Variants in UBE2B observed in about 807,000 individuals in gnomAD.
The protein encoded by UBE2B is ubiquitin-conjugating enzyme E2 B.
UBE2B carries 11 observed loss-of-function variants against 24.6 expected under a neutral mutation model. That is an observed-to-expected ratio of 0.45 (90% CI 0.28 to 0.74). The LOEUF (loss-of-function observed/expected upper bound fraction) is 0.74. Ranked by LOEUF, UBE2B falls within the 30% of genes least tolerant of loss-of-function variation. UBE2B has a pLI of 0.13. For missense variants in UBE2B, 78 were observed against 185.6 expected (o/e 0.42, Z 3.37); for synonymous variants, 68 against 62.4 (o/e 1.09, Z -0.42).
In UBE2B at chr5:134,386,869, G is replaced by A. The variant is rs34723995; in HGVS notation, c.242-1456G>A. ...ACAGTAGATATGTATCATTTCTGGTGATTGTGTTGCTATTGCTTATATGAA... is the reference window on the plus strand; with the variant it reads ...ACAGTAGATATGTATCATTTCTGGTAATTGTGTTGCTATTGCTTATATGAA... On this transcript the variant is annotated intron_variant, in intron 4 of 5. Coordinates refer to ENST00000265339, the MANE Select transcript of UBE2B (RefSeq NM_003337.4). Among the ~76,000 whole-genome samples, 504 of 151,836 alleles carry A rather than the reference G, an allele frequency of 3.3e-3. 1 individual carries two copies. The highest frequency in any genetic ancestry group is 0.012 in the African/African-American group (477 of 41,404).
At chr5:134,371,890 G>A (rs1292180978) in intron 1 of UBE2B, among the ~76,000 whole-genome samples, 1 of 152,182 alleles carries the variant, frequency 6.6e-6, no homozygotes, top group Non-Finnish European at 1.5e-5. Context: ...CTGGTCTAGG[G>A]TTCCCTGCTG....
chr5:134,376,364 T>TATACAC (rs70976528), intron 2 of UBE2B, among the ~76,000 whole-genome samples: 2 of 79,504 alleles, frequency 2.5e-5, no homozygotes, highest in East Asian at 3.9e-4. Context: ...TATATATATA[T>TATACAC]ACACATATGT....
At chr5:134,376,352 T>TATATATATATAC (rs1758609047) in intron 2 of UBE2B, among the ~76,000 whole-genome samples, 1 of 63,246 alleles carries the variant, frequency 1.6e-5, no homozygotes, top group African/African-American at 6.2e-5. Flanking sequence ...AAAAAAAATA[T>TATATATATATAC]ATATATATAT....
chr5:134,391,240 G>C lies in UBE2B; in HGVS notation c.*887G>C, dbSNP rs1309437786. 1 of 152,342 alleles carries C rather than the reference G, an allele frequency of 6.6e-6. No homozygotes were observed. Among genetic ancestry groups the C allele is most frequent in the African/African-American group, 2.4e-5 (1 of 41,432 alleles). The allele number at this position is 152,342 out of a possible 1,614,324, so 9.4% of individuals were successfully genotyped here. On this transcript the variant is annotated 3_prime_UTR_variant, in exon 6 of 6. Transcript: ENST00000265339. ...AGCAATGAATTAGTTGCATTGGTTT[G>C]AGAAAGGCACATATTGGAGGGAAAT...
chr5:134,381,494 ACTC>A (rs1313494930), intron 4 of UBE2B, among the ~76,000 whole-genome samples: 1 of 151,068 alleles, frequency 6.6e-6, no homozygotes, highest in African/African-American at 2.4e-5. Flanking sequence ...TGGTCCTTGA[ACTC>A]CTAGCCTCAA....
intron 2 of UBE2B, among the ~76,000 whole-genome samples, chr5:134,376,333 A>AT (rs1450534965): frequency 1.2e-4 from 8 of 68,290 alleles, no homozygotes; most frequent in South Asian, 5.2e-4. Flanking sequence ...AAAAAAAAAA[A>AT]AAAAAAAAAA....
Position 134,371,612 on chromosome 5 carries a change from G to A in UBE2B, c.17G>A (p.Arg6Gln). ...CTGCGGAGCATGTCGACCCCGGCCC[G>A]GAGGAGGCTCATGCGGGATTTCAAG... MSTPARRRLMRDFKRL... is the reference protein window; with the variant it reads MSTPAQRRLMRDFKRL... The change falls in exon 1 of 6, where the codon CGG (arginine) becomes CAG (glutamine). Residue 6 changes from arginine (R) to glutamine (Q), a missense_variant. Arg to Gln is a conservative substitution (Grantham distance 43). Around this residue, in one of 2 missense-constraint regions of UBE2B, gnomAD observed 21 missense variants for 17.9 expected, o/e 1.17. Coordinates refer to ENST00000265339, the MANE Select transcript of UBE2B (RefSeq NM_003337.4). 6.2e-7 allele frequency: 1 copy of A among 1,613,022 alleles called. No homozygotes were observed. Among genetic ancestry groups the A allele is most frequent in the South Asian group, 1.1e-5 (1 of 91,062 alleles).
chr5:134,378,673 A>C (rs1758650639), intron 3 of UBE2B, among the ~76,000 whole-genome samples: 1 of 118,396 alleles, frequency 8.4e-6, no homozygotes, highest in South Asian at 2.7e-4. Context: ...TTTGAGTTGC[A>C]ATTTGAATGA....
At chr5:134,382,691 T>C (rs1581323803) in intron 4 of UBE2B, among the ~76,000 whole-genome samples, 1 of 151,516 alleles carries the variant, frequency 6.6e-6, no homozygotes, top group African/African-American at 2.4e-5. Flanking sequence ...GGAGAATTGC[T>C]GGAGCCTGGG....
At chr5:134,380,653 G>T in intron 3 of UBE2B, 66 bp from the exon 4 acceptor site, 1 of 937,716 alleles carries the variant, frequency 1.1e-6, no homozygotes, top group South Asian at 1.4e-5. Context: ...GTATGCAGTT[G>T]AGAACTGATG....
chr5:134,389,484 C>G (rs1758863204), intron 5 of UBE2B, among the ~76,000 whole-genome samples: 1 of 151,960 alleles, frequency 6.6e-6, no homozygotes, highest in Non-Finnish European at 1.5e-5. Flanking sequence ...GAGAACGTCT[C>G]AATATGCTTA....
intron 4 of UBE2B, among the ~76,000 whole-genome samples, chr5:134,383,703 C>T (rs943917048): frequency 2.0e-5 from 3 of 152,056 alleles, no homozygotes; most frequent in African/African-American, 2.4e-5. Context: ...TCAGGTGATC[C>T]GCCTGCCTTG....
chr5:134,379,937 C>CAA (rs1219545003), intron 3 of UBE2B, among the ~76,000 whole-genome samples: 1 of 151,078 alleles, frequency 6.6e-6, no homozygotes, highest in Non-Finnish European at 1.5e-5. Context: ...TTTTTGGAGA[C>CAA]AGAGTCTTGC....
At chr5:134,388,515 C>T in intron 5 of UBE2B, 102 bp downstream of exon 5, 2 of 1,047,832 alleles carry the variant, frequency 1.9e-6, no homozygotes, top group Non-Finnish European at 3.0e-6. Context: ...GACAAGAATC[C>T]ATGCTTTTCA....
At chr5:134,373,311 C>CT (rs767272568) in intron 1 of UBE2B, among the ~76,000 whole-genome samples, 107 of 141,444 alleles carry the variant, frequency 7.6e-4, no homozygotes, top group East Asian at 5.1e-3. Context: ...CTGAGGTTTG[C>CT]TTTTTTTTTT....
At chr5:134,375,866 G>C (rs1470292327) in intron 2 of UBE2B, among the ~76,000 whole-genome samples, 2 of 151,362 alleles carry the variant, frequency 1.3e-5, no homozygotes, top group Non-Finnish European at 2.9e-5. Context: ...TTGGGATGTG[G>C]GGACAAGGAT....
At chr5:134,380,847 G>T in intron 4 of UBE2B, 39 bp downstream of exon 4, 1 of 1,375,986 alleles carries the variant, frequency 7.3e-7, no homozygotes, top group South Asian at 1.2e-5. Context: ...TGATAGTGGG[G>T]AAAAGAGTTG....
At chr5:134,387,046 G>T (rs1218178440) in intron 4 of UBE2B, among the ~76,000 whole-genome samples, 2 of 150,774 alleles carry the variant, frequency 1.3e-5, no homozygotes. Context: ...TGCAACCTCT[G>T]CCTCCTGGGT....
Position 134,374,366 on chromosome 5 carries a change from C to G in UBE2B, c.45-17C>G. Reference sequence around the variant, plus strand: ...CCTTAATGTTCAACTTTTTAAATTACCACGCTGGATTTCCAGGTTACAAGA... The same window carrying G: ...CCTTAATGTTCAACTTTTTAAATTAGCACGCTGGATTTCCAGGTTACAAGA... On this transcript the variant is annotated splice_polypyrimidine_tract_variant and intron_variant, in intron 1 of 5. Transcript: ENST00000265339. 7.1e-6 allele frequency: 11 copies of G among 1,551,942 alleles called. No homozygotes were observed. The highest frequency in any genetic ancestry group is 9.6e-6 in the Non-Finnish European group (11 of 1,147,046).
Sources: allele counts gnomAD v4.1 joint callset (sites outside exome capture counted in the v4.1 genomes callset), GRCh38; gene constraint gnomAD v4.1.1; regional missense constraint gnomAD v4.1.1; transcripts MANE v1.5; gene names NCBI Gene and HGNC (gene_info 2026-07-23, HGNC 2026-07-21).